The following NPTX2 variants were observed in gnomAD, a reference collection of about 807,000 sequenced individuals.
NPTX2 encodes neuronal pentraxin-2.
In NPTX2, 23 loss-of-function variants were observed where a neutral mutation model predicts 38.1. The observed-to-expected ratio is 0.60, with a 90% CI of 0.43 to 0.85. NPTX2 has a LOEUF of 0.85. Ranked by LOEUF, NPTX2 falls within the 40% of genes least tolerant of loss-of-function variation. The pLI, the probability that NPTX2 is intolerant of heterozygous loss-of-function variation, is 0.00. For synonymous variants in NPTX2, 291 were observed against 287.3 expected (o/e 1.01, Z -0.13); for missense variants, 553 against 615.3 (o/e 0.90, Z 1.07).
Position 98,625,142 on chromosome 7 carries a change from C to T in NPTX2, c.864C>T (p.Pro288=), listed in dbSNP as rs1464132127. ...TGCTGATCGAGTGGGGCAACAACCC[C>T]ATCGAGCTGCTCATCAACGACAAGG... is the stretch of plus-strand genomic sequence containing the variant. ...EIVLIEWGNN[P]IELLINDKVA... The change falls in exon 3 of 5, where the codon CCC becomes CCT. Residue 288 remains proline, a synonymous_variant. Transcript: ENST00000265634. 1.3e-6 allele frequency: 2 copies of T among 1,599,836 alleles called. No individual in the cohort carries two copies. Among genetic ancestry groups the T allele is most frequent in the Non-Finnish European group, 1.7e-6 (2 of 1,170,334 alleles).
chr7:98,618,578 CCCCCCCTCCCCCTCCG>C (rs1791218272), intron 1 of NPTX2, among the ~76,000 whole-genome samples: 2 of 54,694 alleles, frequency 3.7e-5, no homozygotes, highest in African/African-American at 9.5e-5. Flanking sequence ...CTCCCCCCCT[CCCCCCCTCCCCCTCCG>C]TCCCCCCCCC....
Position 98,624,326 on chromosome 7 carries a change from C to G in NPTX2, c.644-596C>G, listed in dbSNP as rs1440309587. Among the ~76,000 whole-genome samples the G allele has an allele frequency of 8.5e-5, 13 of 152,262 alleles. No homozygotes were observed. In the South Asian group the frequency reaches 2.5e-3, roughly 29 times the overall value. ...CAGGCTGGTCTCGAACTCTTGGCCT[C>G]AAGCAATCCTCCTGCCTCGGCCTCC... On this transcript the variant is annotated intron_variant, in intron 2 of 4. Transcript: ENST00000265634.
chr7:98,627,431 G>C (rs1431160007), intron 4 of NPTX2, 87 bp downstream of exon 4: 1 of 1,154,466 alleles, frequency 8.7e-7, no homozygotes, highest in African/African-American at 1.5e-5. Context: ...ATGGTGCGAG[G>C]AGGGGCCAAC....
rs753490696 is a variant in NPTX2 at position 98,627,274 on chromosome 7, G to C, written c.998G>C (p.Gly333Ala). Residue 333 changes from glycine (G) to alanine (A), a missense_variant, in exon 4 of 5, where the codon GGC becomes GCC. Coordinates refer to ENST00000265634, the MANE Select transcript of NPTX2 (RefSeq NM_002523.3). The stretch of plus-strand genomic sequence containing the variant: ...GCATTCCAGGACGGAGAGAAGCTGG[G>C]CACTGGGGAGAACCTGGCCCCCTGG... ...WEAFQDGEKL[G>A]TGENLAPWHP... 1.2e-6 allele frequency: 2 copies of C among 1,613,982 alleles called. No homozygotes were observed. Among genetic ancestry groups the C allele is most frequent in the South Asian group, 2.2e-5 (2 of 91,090 alleles).
chr7:98,628,684 G>T lies in NPTX2; in HGVS notation c.*55G>T. The T allele has an allele frequency of 3.6e-6, 3 of 835,436 alleles. No individual in the cohort carries two copies. The highest frequency in any genetic ancestry group is 5.7e-6 in the Non-Finnish European group (3 of 527,872). The allele number at this position is 835,436 out of a possible 1,614,324, so 51.8% of individuals were successfully genotyped here. Reference sequence around the variant, plus strand: ...ATCAGGCTGTTGCCATGGAAGTTCAGGGCCATAGACTGCCCCACTTAAACT... The same window carrying T: ...ATCAGGCTGTTGCCATGGAAGTTCATGGCCATAGACTGCCCCACTTAAACT... On this transcript the variant is annotated 3_prime_UTR_variant, in exon 5 of 5. Coordinates refer to ENST00000265634, the MANE Select transcript of NPTX2 (RefSeq NM_002523.3).
Position 98,628,627 on chromosome 7 carries a change from T to C in NPTX2, c.1294T>C (p.Ter432GlnextTer21). The change falls in exon 5 of 5, where the codon TAG (stop) becomes CAG (glutamine). Residue 432 changes from the stop codon to glutamine, a stop_lost. Coordinates refer to ENST00000265634, the MANE Select transcript of NPTX2 (RefSeq NM_002523.3). ...ETCEERLLDL[*>Q] ...GTGTGAGGAGCGTCTCCTTGACTTG[T>C]AGCCGCCTTCTCCTCTGTCCAGGAG... 1 of 1,482,574 alleles carries C rather than the reference T, an allele frequency of 6.7e-7. No homozygotes were observed. The highest frequency in any genetic ancestry group is 2.4e-5 in the East Asian group (1 of 42,182). 91.8% of individuals were successfully genotyped at this position (1,482,574 alleles called of 1,614,324 possible).
At chr7:98,620,155 C>G in intron 2 of NPTX2, 1 of 431,788 alleles carries the variant, frequency 2.3e-6, no homozygotes, top group Admixed American at 3.5e-5. Flanking sequence ...GTGTATCTTT[C>G]TCTTCTCTGC....
chr7:98,619,661 G>T lies in NPTX2; in HGVS notation c.445G>T (p.Val149Leu), dbSNP rs150623174. The T allele has an allele frequency of 1.4e-5, 22 of 1,613,214 alleles. No individual in the cohort carries two copies. Among genetic ancestry groups the T allele is most frequent in the Admixed American group, 1.2e-4 (7 of 60,024 alleles). Residue 149 changes from valine to leucine, a missense_variant, in exon 2 of 5, where the codon GTG becomes TTG. By Grantham distance (32) the Val-to-Leu change is conservative. Transcript: ENST00000265634. ...CTGAAAGCACCAGCTCAGAGCAAAC[G>T]TGTCCAATGCTGGGCTGCCCGGCGA... ...ESLEHQLRAN[V>L]SNAGLPGDFR...
rs546338196 is a variant in NPTX2 at position 98,617,943 on chromosome 7, G to A, written c.426+56G>A. ...GGAATGGGGACGCTCCCGAGTCGGG[G>A]GCGGAAGACTCGGGAGGATGGGGAA... is the stretch of plus-strand genomic sequence containing the variant. On this transcript the variant is annotated intron_variant, in intron 1 of 4. Coordinates refer to ENST00000265634, the MANE Select transcript of NPTX2 (RefSeq NM_002523.3). 1.0e-4 allele frequency: 158 copies of A among 1,506,096 alleles called. 2 individuals carry two copies. In the East Asian group the frequency reaches 3.7e-3, roughly 35 times the overall value. 93.3% of individuals were successfully genotyped at this position (1,506,096 alleles called of 1,614,324 possible).
chr7:98,618,569 T>TCTCCC (rs1791216138), intron 1 of NPTX2, among the ~76,000 whole-genome samples: 1 of 30,088 alleles, frequency 3.3e-5, no homozygotes, highest in Non-Finnish European at 6.2e-5. Context: ...TCTCTCTCTC[T>TCTCCC]CCCCCCCTCC....
intron 2 of NPTX2, among the ~76,000 whole-genome samples, chr7:98,624,267 AT>A (rs1416423415): frequency 6.6e-6 from 1 of 152,034 alleles, no homozygotes; most frequent in Non-Finnish European, 1.5e-5. Flanking sequence ...AATTTTTTAA[AT>A]TTTTTGTAGA....
At position 98,628,410 on chromosome 7, in the gene NPTX2, G is replaced by T. The variant is rs142543231; in HGVS notation, c.1077G>T (p.Val359=). ...VLILGQEQDT[V]GGRFDATQAF... is the part of the protein sequence containing the mutation. ...TTGTTCCCATTCCCCAGGACACCGT[G>T]GGGGGTAGGTTTGATGCCACTCAGG... is the stretch of plus-strand genomic sequence containing the variant. Residue 359 remains valine, a synonymous_variant, in exon 5 of 5, where the codon GTG becomes GTT. Transcript: ENST00000265634. 8.3e-5 allele frequency: 132 copies of T among 1,581,516 alleles called. No homozygotes were observed. The African/African-American group carries it at 1.3e-3, about 16-fold the overall frequency.
chr7:98,620,675 C>T (rs998271786), intron 2 of NPTX2, among the ~76,000 whole-genome samples: 1 of 152,110 alleles, frequency 6.6e-6, no homozygotes, highest in Non-Finnish European at 1.5e-5. Context: ...GTAAAGCAGC[C>T]GTTGCTGTGG....
At chr7:98,622,652 T>A (rs941985810) in intron 2 of NPTX2, among the ~76,000 whole-genome samples, 1 of 152,180 alleles carries the variant, frequency 6.6e-6, no homozygotes, top group African/African-American at 2.4e-5. Flanking sequence ...GACACTCTGG[T>A]TCTCTCTCTC....
chr7:98,618,569 T>TCCCC (rs145792464), intron 1 of NPTX2, among the ~76,000 whole-genome samples: 22 of 30,078 alleles, frequency 7.3e-4, no homozygotes, highest in Non-Finnish European at 8.6e-4. Flanking sequence ...TCTCTCTCTC[T>TCCCC]CCCCCCCTCC....
Position 98,627,306 on chromosome 7 carries a change from A to G in NPTX2, c.1030A>G (p.Ile344Val), listed in dbSNP as rs1791367350. The change falls in exon 4 of 5, where the codon ATC becomes GTC. Residue 344 changes from isoleucine (I) to valine (V), a missense_variant. Coordinates refer to ENST00000265634, the MANE Select transcript of NPTX2 (RefSeq NM_002523.3). The part of the protein sequence containing the change: ...TGENLAPWHP[I>V]KPGGVLILGQ... ...GGAGAACCTGGCCCCCTGGCACCCCATCAAGCCCGGGGGCGTGCTGATCCT... is the reference window on the plus strand; with the variant it reads ...GGAGAACCTGGCCCCCTGGCACCCCGTCAAGCCCGGGGGCGTGCTGATCCT... 7 of 1,613,892 alleles carry G rather than the reference A, an allele frequency of 4.3e-6. No individual in the cohort carries two copies. Among genetic ancestry groups the G allele is most frequent in the South Asian group, 1.1e-5 (1 of 91,090 alleles).
In NPTX2 at chr7:98,627,308, C is replaced by A; in HGVS notation, c.1032C>A (p.Ile344=). The A allele has an allele frequency of 6.2e-7, 1 of 1,613,862 alleles. No homozygotes were observed. Among genetic ancestry groups the A allele is most frequent in the African/African-American group, 1.3e-5 (1 of 75,064 alleles). The change falls in exon 4 of 5, where the codon ATC becomes ATA. Residue 344 remains isoleucine (I), a synonymous_variant. Coordinates refer to ENST00000265634, the MANE Select transcript of NPTX2 (RefSeq NM_002523.3). ...AGAACCTGGCCCCCTGGCACCCCATCAAGCCCGGGGGCGTGCTGATCCTTG... is the reference window on the plus strand; with the variant it reads ...AGAACCTGGCCCCCTGGCACCCCATAAAGCCCGGGGGCGTGCTGATCCTTG... The part of the protein sequence containing the change: ...TGENLAPWHP[I]KPGGVLILGQ...
At chr7:98,620,294 T>C (rs1791251976) in intron 2 of NPTX2, 1 of 200,948 alleles carries the variant, frequency 5.0e-6, no homozygotes, top group African/African-American at 2.3e-5. Context: ...TTGCCCGTAG[T>C]GGGTGTTTAT....
At position 98,627,438 on chromosome 7, in the gene NPTX2, C is replaced by G. The variant is rs1791371141; in HGVS notation, c.1068+94C>G. 13 of 1,049,778 alleles carry G rather than the reference C, an allele frequency of 1.2e-5. No homozygotes were observed. The South Asian group carries it at 1.8e-4, about 15-fold the overall frequency. 65.0% of individuals were successfully genotyped at this position (1,049,778 alleles called of 1,614,324 possible). A position where few individuals can be genotyped will look rare whatever the true frequency, so the allele number is the denominator to read the frequency against. ...TTTCAGGGATGGTGCGAGGAGGGGC[C>G]AACTGAGCAGCACGAGGCCAGGCCT... On this transcript the variant is annotated intron_variant, in intron 4 of 4. Transcript: ENST00000265634.
Sources: gnomAD v4.1 joint callset for allele counts (sites outside exome capture counted in the v4.1 genomes callset) on GRCh38, gnomAD v4.1.1 for gene constraint, MANE v1.5 for transcripts, NCBI Gene and HGNC (gene_info 2026-07-23, HGNC 2026-07-21) for gene names.